SPACA7: variants seen among roughly 807,000 people sequenced by gnomAD.
SPACA7 encodes sperm acrosome associated 7.
Under a neutral mutation model 26.3 loss-of-function variants are expected in SPACA7, and 19 were observed. That is an observed-to-expected ratio of 0.72 (90% confidence interval 0.50 to 1.06). SPACA7 has a LOEUF of 1.06. Ranked by LOEUF, SPACA7 falls within the 50% of genes least tolerant of loss-of-function variation. The pLI is 0.00. For missense variants in SPACA7, 211 were observed against 229.9 expected (o/e 0.92, Z 0.53); for synonymous variants, 84 against 84.5 (o/e 0.99, Z 0.04).
At chr13:112,426,282 C>T (rs1278936132) in intron 5 of SPACA7, among the ~76,000 whole-genome samples, 1 of 152,190 alleles carries the variant, frequency 6.6e-6, no homozygotes. Flanking sequence ...TGATGTAAGA[C>T]CTGTTCTTCC....
intron 5 of SPACA7, among the ~76,000 whole-genome samples, chr13:112,429,345 C>T (rs1876843290): frequency 6.7e-6 from 1 of 149,870 alleles, no homozygotes; most frequent in African/African-American, 2.5e-5. Context: ...CACTGCACTC[C>T]AGCCTGGGTA....
intron 5 of SPACA7, among the ~76,000 whole-genome samples, chr13:112,406,055 A>G (rs1216885618): frequency 6.6e-6 from 1 of 151,904 alleles, no homozygotes; most frequent in Non-Finnish European, 1.5e-5. Flanking sequence ...ATTTTTATTC[A>G]TTTGCTTTTT....
At position 112,380,765 on chromosome 13, in the gene SPACA7, T is replaced by A. The variant is rs766363856; in HGVS notation, c.94+4286T>A. The stretch of plus-strand genomic sequence containing the variant: ...AAGCTTTCTTATCAAAAACAGATCT[T>A]ACTTTCCTTTATACTTTGCACAGGA... On this transcript the variant is annotated intron_variant, in intron 1 of 6. Coordinates refer to ENST00000283550, the MANE Select transcript of SPACA7 (RefSeq NM_145248.5). 3.3e-5 allele frequency among the ~76,000 whole-genome samples: 5 copies of A among 152,214 alleles called. No homozygotes were observed. The South Asian group carries it at 6.2e-4, about 19-fold the overall frequency.
chr13:112,419,055 C>T (rs76035975), intron 5 of SPACA7, among the ~76,000 whole-genome samples: 5,029 of 151,966 alleles, frequency 0.033, 91 homozygotes, highest in Middle Eastern at 0.069. Context: ...CTACGCTACT[C>T]TCACCCTAAT....
chr13:112,391,918 A>G (rs1262889185), intron 1 of SPACA7, among the ~76,000 whole-genome samples: 1 of 152,170 alleles, frequency 6.6e-6, no homozygotes, highest in East Asian at 1.9e-4. Context: ...ACCTTTTTGC[A>G]TATTTTCCCG....
chr13:112,429,977 A>T (rs188443270), intron 5 of SPACA7, among the ~76,000 whole-genome samples: 1 of 152,186 alleles, frequency 6.6e-6, no homozygotes, highest in East Asian at 1.9e-4. Context: ...CTGTGTACTC[A>T]ATTTCCTGTG....
chr13:112,418,143 A>T (rs766416383), intron 5 of SPACA7, among the ~76,000 whole-genome samples: 47 of 152,206 alleles, frequency 3.1e-4, no homozygotes, highest in Non-Finnish European at 5.3e-4. Flanking sequence ...GAAAATCTTT[A>T]GAAATTCTAG....
intron 2 of SPACA7, among the ~76,000 whole-genome samples, chr13:112,395,479 T>A (rs1462579595): frequency 6.6e-6 from 1 of 152,104 alleles, no homozygotes; most frequent in African/African-American, 2.4e-5. Flanking sequence ...TGTTTTTTGT[T>A]TTTTTTGAGA....
chr13:112,425,168 G>A (rs143789870), intron 5 of SPACA7, among the ~76,000 whole-genome samples: 11 of 152,328 alleles, frequency 7.2e-5, no homozygotes, highest in East Asian at 5.8e-4. Flanking sequence ...GTGGGCGCCC[G>A]GATCCAAGGG....
At chr13:112,423,873 A>G (rs1309722866) in intron 5 of SPACA7, among the ~76,000 whole-genome samples, 1 of 152,248 alleles carries the variant, frequency 6.6e-6, no homozygotes, top group Non-Finnish European at 1.5e-5. Flanking sequence ...ACAGAAAACA[A>G]TAGAAGTCAA....
chr13:112,411,133 G>GTTT lies in SPACA7; in HGVS notation c.445+9975_445+9977dup, dbSNP rs3063148. Among the ~76,000 whole-genome samples, 184 of 150,352 alleles carry GTTT rather than the reference G, an allele frequency of 1.2e-3. 2 individuals are homozygous for GTTT. The highest frequency in any genetic ancestry group is 3.9e-3 in the African/African-American group (158 of 41,020). On this transcript the variant is annotated intron_variant, in intron 5 of 6. Transcript: ENST00000283550. ...ATGTAGATTGTGTTACATTTGCTAT[G>GTTT]TTTTTTTTAGGAAGTAAATATTCCT...
At chr13:112,414,956 C>T (rs550606481) in intron 5 of SPACA7, among the ~76,000 whole-genome samples, 9 of 152,192 alleles carry the variant, frequency 5.9e-5, no homozygotes, top group Non-Finnish European at 1.0e-4. Flanking sequence ...CTTCAGAGGA[C>T]CTTTCATTGA....
chr13:112,417,222 T>C (rs11842013), intron 5 of SPACA7, among the ~76,000 whole-genome samples: 39,302 of 151,950 alleles, frequency 0.26, 5,468 homozygotes, highest in South Asian at 0.38. Context: ...TTCTATTCCA[T>C]AGTTAATGCT....
intron 1 of SPACA7, among the ~76,000 whole-genome samples, chr13:112,391,203 A>G (rs9577733): frequency 0.23 from 34,368 of 152,130 alleles, 4,991 homozygotes; most frequent in East Asian, 0.59. Context: ...TCCTCATCCA[A>G]ACAGTTGAAA....
At chr13:112,380,418 A>C (rs1347183247) in intron 1 of SPACA7, among the ~76,000 whole-genome samples, 1 of 151,676 alleles carries the variant, frequency 6.6e-6, no homozygotes, top group Non-Finnish European at 1.5e-5. Context: ...AAAAAAAAAA[A>C]AAAAAAAAAC....
At chr13:112,376,559 T>A in intron 1 of SPACA7, 80 bp downstream of exon 1, 1 of 1,438,206 alleles carries the variant, frequency 7.0e-7, no homozygotes, top group Non-Finnish European at 9.5e-7. Flanking sequence ...CATGGGTTCC[T>A]CTTATTCCCA....
intron 5 of SPACA7, among the ~76,000 whole-genome samples, chr13:112,408,169 C>G (rs1176828549): frequency 2.0e-5 from 3 of 152,194 alleles, no homozygotes; most frequent in African/African-American, 7.2e-5. Flanking sequence ...AATTCAACAG[C>G]CTTTCATGCT....
chr13:112,418,768 G>C (rs576882884), intron 5 of SPACA7, among the ~76,000 whole-genome samples: 2 of 152,282 alleles, frequency 1.3e-5, no homozygotes, highest in South Asian at 4.1e-4. Flanking sequence ...AGCATTACTA[G>C]ACTTCAAGAA....
intron 3 of SPACA7, among the ~76,000 whole-genome samples, 175 bp downstream of exon 3, chr13:112,398,313 C>T (rs149731098): frequency 0.011 from 1,642 of 151,974 alleles, 29 homozygotes; most frequent in African/African-American, 0.037. Flanking sequence ...TACAGCTTCC[C>T]GAGACAGAGG....
Sources: allele counts gnomAD v4.1 joint callset (sites outside exome capture counted in the v4.1 genomes callset), GRCh38; gene constraint gnomAD v4.1.1; transcripts MANE v1.5; gene names NCBI Gene and HGNC (gene_info 2026-07-23, HGNC 2026-07-21).